ZC2HC1A: variants seen among roughly 807,000 people sequenced by gnomAD.
ZC2HC1A encodes the protein zinc finger C2HC-type containing 1A.
Under a neutral mutation model 40.7 loss-of-function variants are expected in ZC2HC1A, and 28 were observed. The ratio of observed to expected loss-of-function variants is 0.69; its 90% CI spans 0.51 to 0.94. The LOEUF is 0.94. Ranked by LOEUF, ZC2HC1A falls within the 40% of genes least tolerant of loss-of-function variation. ZC2HC1A has a pLI of 0.00. For synonymous variants in ZC2HC1A, 129 were observed against 129.2 expected (o/e 1.00, Z 0.01); for missense variants, 389 against 386.3 (o/e 1.01, Z -0.06).
intron 1 of ZC2HC1A, among the ~76,000 whole-genome samples, chr8:78,672,404 T>C (rs17504422): frequency 0.03 from 4,518 of 152,190 alleles, 113 homozygotes; most frequent in Non-Finnish European, 0.048. Context: ...ATTCAAATAA[T>C]ACATGCGGTT....
chr8:78,689,121 A>G, intron 4 of ZC2HC1A, 101 bp from the exon 5 acceptor site: 1 of 838,930 alleles, frequency 1.2e-6, no homozygotes, highest in South Asian at 4.9e-5. Context: ...ATCAGATGTT[A>G]TTACTTATAT....
chr8:78,698,289 C>A, intron 6 of ZC2HC1A, 125 bp from the exon 7 acceptor site: 2 of 733,142 alleles, frequency 2.7e-6, no homozygotes, highest in East Asian at 3.0e-5. Flanking sequence ...TAAAAAATGT[C>A]TTCAATGAAA....
chr8:78,689,147 A>C, intron 4 of ZC2HC1A, 75 bp from the exon 5 acceptor site: 1 of 1,156,848 alleles, frequency 8.6e-7, no homozygotes, highest in Non-Finnish European at 1.1e-6. Flanking sequence ...GAATGACTGC[A>C]TAGAAACTTA....
rs1471103076 is a variant in ZC2HC1A, at chr8:78,718,377, A to G, written c.*884A>G. ...TGCAAAATCTTACATGTTTAAAAAC[A>G]TATAATTTTTTGTATCTGAATTTAG... On this transcript the variant is annotated 3_prime_UTR_variant, in exon 9 of 9. Transcript: ENST00000263849. 3.9e-5 allele frequency: 6 copies of G among 151,996 alleles called. No individual in the cohort carries two copies. The highest frequency in any genetic ancestry group is 7.2e-5 in the African/African-American group (3 of 41,452). The allele number at this position is 151,996 out of a possible 1,614,324, so 9.4% of individuals were successfully genotyped here.
intron 7 of ZC2HC1A, among the ~76,000 whole-genome samples, chr8:78,707,368 A>C (rs982499934): frequency 1.3e-5 from 2 of 152,184 alleles, no homozygotes; most frequent in African/African-American, 4.8e-5. Context: ...TGGAGTTAGA[A>C]GACTAGGTTT....
intron 3 of ZC2HC1A, among the ~76,000 whole-genome samples, chr8:78,679,653 C>T (rs1809700907): frequency 6.6e-6 from 1 of 152,102 alleles, no homozygotes; most frequent in African/African-American, 2.4e-5. Flanking sequence ...AGCATCATTT[C>T]AGTGAAGTGA....
chr8:78,711,995 T>G, intron 7 of ZC2HC1A: 4 of 1,289,372 alleles, frequency 3.1e-6, no homozygotes, highest in Non-Finnish European at 4.0e-6. Flanking sequence ...AATAGTAATA[T>G]GGACAAGTTA....
At position 78,672,290 on chromosome 8, in the gene ZC2HC1A, G is replaced by T. The variant is rs117022251; in HGVS notation, c.17-3497G>T. Among the ~76,000 whole-genome samples, 1,197 of 152,046 alleles carry T rather than the reference G, an allele frequency of 7.9e-3. 6 individuals carry two copies. Among genetic ancestry groups the T allele is most frequent in the Admixed American group, 0.013 (194 of 15,280 alleles). On this transcript the variant is annotated intron_variant, in intron 1 of 8. Coordinates refer to ENST00000263849, the MANE Select transcript of ZC2HC1A (RefSeq NM_016010.3). ...GATGATTATTTTAATTGAGAGAAAGGTACAGCCACTTTATTATTTAATTAG... is the reference window on the plus strand; with the variant it reads ...GATGATTATTTTAATTGAGAGAAAGTTACAGCCACTTTATTATTTAATTAG...
chr8:78,684,871 A>G (rs981902680), intron 3 of ZC2HC1A, among the ~76,000 whole-genome samples: 4 of 152,300 alleles, frequency 2.6e-5, no homozygotes, highest in East Asian at 3.9e-4. Flanking sequence ...TTTCAAATAG[A>G]AATATATCCC....
At chr8:78,673,683 C>T (rs4431584) in intron 1 of ZC2HC1A, among the ~76,000 whole-genome samples, 7 of 152,096 alleles carry the variant, frequency 4.6e-5, no homozygotes, top group East Asian at 1.9e-4. Context: ...ACCTTGCTAC[C>T]GGGTAGAAGT....
intron 1 of ZC2HC1A, among the ~76,000 whole-genome samples, chr8:78,672,499 C>T (rs183637461): frequency 6.6e-6 from 1 of 152,150 alleles, no homozygotes; most frequent in Non-Finnish European, 1.5e-5. Context: ...TTACCCTACA[C>T]TCTGCAGATC....
At chr8:78,706,468 G>C (rs549358387) in intron 7 of ZC2HC1A, among the ~76,000 whole-genome samples, 1 of 152,098 alleles carries the variant, frequency 6.6e-6, no homozygotes, top group East Asian at 1.9e-4. Flanking sequence ...TCACAAGGGC[G>C]TCTCTTGACC....
intron 3 of ZC2HC1A, among the ~76,000 whole-genome samples, chr8:78,682,509 A>C (rs950411300): frequency 6.6e-6 from 1 of 152,144 alleles, no homozygotes; most frequent in African/African-American, 2.4e-5. Context: ...AGATCTCGCA[A>C]GACTTATTCA....
chr8:78,668,226 C>A (rs920287749), intron 1 of ZC2HC1A, among the ~76,000 whole-genome samples: 1 of 151,952 alleles, frequency 6.6e-6, no homozygotes, highest in Non-Finnish European at 1.5e-5. Context: ...TTAAGGTTAC[C>A]GTTCATTAAT....
chr8:78,675,315 C>G (rs1809545847), intron 1 of ZC2HC1A, among the ~76,000 whole-genome samples: 1 of 151,782 alleles, frequency 6.6e-6, no homozygotes, highest in South Asian at 2.1e-4. Flanking sequence ...TAGCATTGTA[C>G]TTTCTATTGT....
rs1385297573 is a variant in ZC2HC1A, at chr8:78,719,114, T to C, written c.*1621T>C. 1 of 151,794 alleles carries C rather than the reference T, an allele frequency of 6.6e-6. No individual in the cohort carries two copies. Among genetic ancestry groups the C allele is most frequent in the Non-Finnish European group, 1.5e-5 (1 of 67,682 alleles). 9.4% of individuals were successfully genotyped at this position (151,794 alleles called of 1,614,324 possible). A position where few individuals can be genotyped will look rare whatever the true frequency, so the allele number is the denominator to read the frequency against. ...ATAGTCCATCAACTAAAATAAGCTG[T>C]AATGAATTTAGAAGATGAATGCATA... On this transcript the variant is annotated 3_prime_UTR_variant, in exon 9 of 9. Transcript: ENST00000263849.
At chr8:78,685,623 A>G (rs547994322) in intron 3 of ZC2HC1A, among the ~76,000 whole-genome samples, 1 of 152,366 alleles carries the variant, frequency 6.6e-6, no homozygotes, top group Non-Finnish European at 1.5e-5. Context: ...TAAATAGTCC[A>G]CAGTAAAGAC....
chr8:78,687,251 G>A (rs888592333), intron 4 of ZC2HC1A, among the ~76,000 whole-genome samples: 3 of 151,780 alleles, frequency 2.0e-5, no homozygotes, highest in Non-Finnish European at 4.4e-5. Flanking sequence ...TAATGTAACA[G>A]GGTAGCCACA....
intron 7 of ZC2HC1A, among the ~76,000 whole-genome samples, chr8:78,704,387 CAAAAA>C (rs1307275741): frequency 3.1e-5 from 2 of 65,252 alleles, no homozygotes; most frequent in Non-Finnish European, 6.4e-5. Flanking sequence ...GACTCCATCT[CAAAAA>C]AAAAAAAAAA....
Sources: allele counts gnomAD v4.1 joint callset (sites outside exome capture counted in the v4.1 genomes callset), GRCh38; gene constraint gnomAD v4.1.1; transcripts MANE v1.5; gene names NCBI Gene and HGNC (gene_info 2026-07-23, HGNC 2026-07-21).